Variants in MAGI1 observed in about 807,000 individuals in gnomAD.
MAGI1 encodes the protein membrane associated guanylate kinase, WW and PDZ domain containing 1.
In MAGI1, 58 loss-of-function variants were observed where a neutral mutation model predicts 139.9. The observed-to-expected ratio is 0.41, with a 90% CI of 0.34 to 0.52. The LOEUF (loss-of-function observed/expected upper bound fraction) is 0.52, where lower values mean the gene tolerates loss of function less well. Ranked by LOEUF, MAGI1 falls within the 20% of genes least tolerant of loss-of-function variation. The pLI is 0.12. For missense variants in MAGI1, 1,874 were observed against 1,901.6 expected, an observed-to-expected ratio of 0.99 and a Z score of 0.27; for synonymous variants, 812 against 737.9, an observed-to-expected ratio of 1.10 and a Z score of -1.63.
intron 1 of MAGI1, among the ~76,000 whole-genome samples, chr3:65,639,505 G>C (rs1184296919): frequency 6.6e-6 from 1 of 152,170 alleles, no homozygotes; most frequent in Non-Finnish European, 1.5e-5. Context: ...TTGATTTTAT[G>C]TGTTAACTTG....
chr3:65,799,953 A>C (rs1199362651), intron 1 of MAGI1, among the ~76,000 whole-genome samples: 4 of 152,238 alleles, frequency 2.6e-5, no homozygotes, highest in Non-Finnish European at 4.4e-5. Context: ...ATTTAAACAC[A>C]AATAATGTAC....
chr3:65,505,374 G>A (rs888749940), intron 2 of MAGI1, among the ~76,000 whole-genome samples: 3 of 138,818 alleles, frequency 2.2e-5, no homozygotes, highest in Middle Eastern at 3.5e-3. Flanking sequence ...TCTAATATTC[G>A]GCAGCTTTCT....
intron 1 of MAGI1, among the ~76,000 whole-genome samples, chr3:65,767,230 C>T (rs2037559281): frequency 6.6e-6 from 1 of 152,100 alleles, no homozygotes; most frequent in African/African-American, 2.4e-5. Flanking sequence ...TGTTATCCCC[C>T]AAGTTCTATT....
chr3:65,572,321 T>C (rs1233030728), intron 2 of MAGI1, among the ~76,000 whole-genome samples: 2 of 152,096 alleles, frequency 1.3e-5, no homozygotes, highest in Non-Finnish European at 2.9e-5. Context: ...GAGAGCTGAA[T>C]TTGCCAAGGC....
At chr3:65,763,820 C>T (rs972015509) in intron 1 of MAGI1, among the ~76,000 whole-genome samples, 3 of 151,876 alleles carry the variant, frequency 2.0e-5, no homozygotes, top group African/African-American at 7.2e-5. Context: ...TCTGTAATCC[C>T]AGCACTTTGG....
chr3:65,363,704 C>T, intron 20 of MAGI1, 96 bp from the exon 21 acceptor site: 1 of 978,096 alleles, frequency 1.0e-6, no homozygotes. Flanking sequence ...TCTCTATCCC[C>T]CTCTTGGTGA....
At chr3:65,713,889 T>C (rs1187482359) in intron 1 of MAGI1, among the ~76,000 whole-genome samples, 1 of 152,144 alleles carries the variant, frequency 6.6e-6, no homozygotes, top group East Asian at 1.9e-4. Flanking sequence ...TCCTTGAATT[T>C]AAAGAGCTTT....
chr3:65,387,106 G>A (rs1008601444), intron 14 of MAGI1: 12 of 1,560,636 alleles, frequency 7.7e-6, no homozygotes, highest in African/African-American at 1.4e-5. Flanking sequence ...CAAGATGAAT[G>A]AAAACGGAGA....
intron 1 of MAGI1, among the ~76,000 whole-genome samples, chr3:65,984,797 C>T (rs1395547470): frequency 1.3e-5 from 2 of 150,572 alleles, no homozygotes; most frequent in East Asian, 3.9e-4. Context: ...ATTCTCCAGC[C>T]TCAACGTCCC....
chr3:65,716,460 G>A (rs556203588), intron 1 of MAGI1, among the ~76,000 whole-genome samples: 40 of 152,266 alleles, frequency 2.6e-4, no homozygotes, highest in African/African-American at 9.6e-4. Context: ...AAAAATGAGG[G>A]GAAGGGAAGA....
chr3:65,644,689 T>C (rs2085162875), intron 1 of MAGI1, among the ~76,000 whole-genome samples: 4 of 151,976 alleles, frequency 2.6e-5, no homozygotes, highest in African/African-American at 9.7e-5. Flanking sequence ...CATTAGTCAA[T>C]TTGAAGGTAG....
intron 1 of MAGI1, among the ~76,000 whole-genome samples, chr3:65,841,063 CAG>C (rs1247673723): frequency 6.6e-6 from 1 of 152,178 alleles, no homozygotes; most frequent in Non-Finnish European, 1.5e-5. Context: ...TTGATATGCG[CAG>C]AGTTGTTCAG....
chr3:65,818,519 G>A (rs1267715459), intron 1 of MAGI1, among the ~76,000 whole-genome samples: 2 of 152,166 alleles, frequency 1.3e-5, no homozygotes, highest in Admixed American at 6.5e-5. Flanking sequence ...GTGAATCCAC[G>A]TTAGCCACAG....
intron 1 of MAGI1, among the ~76,000 whole-genome samples, chr3:65,728,281 G>T (rs1030128383): frequency 6.6e-6 from 1 of 152,148 alleles, no homozygotes; most frequent in Admixed American, 6.5e-5. Flanking sequence ...AGAACAGGAT[G>T]ATTGGAGCTG....
rs191238057 is a variant in MAGI1, at chr3:65,562,752, C to T, written c.430+59220G>A. ...TGGGACATCTCATAAATTAAAAGCC[C>T]TTGTTCCAACACAAAAATGAGACCA... On this transcript the variant is annotated intron_variant, in intron 2 of 22. Coordinates refer to ENST00000402939, the MANE Select transcript of MAGI1 (RefSeq NM_001033057.2). 2.0e-5 allele frequency among the ~76,000 whole-genome samples: 3 copies of T among 152,280 alleles called. No individual in the cohort carries two copies. The East Asian group carries it at 5.8e-4, about 29-fold the overall frequency.
chr3:65,969,523 T>C (rs2064921867), intron 1 of MAGI1, among the ~76,000 whole-genome samples: 1 of 152,198 alleles, frequency 6.6e-6, no homozygotes, highest in Non-Finnish European at 1.5e-5. Context: ...CTCATTCACC[T>C]TCCCAAGTGC....
chr3:65,357,471 A>G (rs1036611803), intron 22 of MAGI1, among the ~76,000 whole-genome samples: 12 of 152,068 alleles, frequency 7.9e-5, no homozygotes, highest in African/African-American at 2.9e-4. Flanking sequence ...CTCTGTAGCT[A>G]TCCCTTGTTC....
intron 1 of MAGI1, among the ~76,000 whole-genome samples, chr3:65,900,642 G>A (rs554482081): frequency 6.6e-6 from 1 of 152,254 alleles, no homozygotes; most frequent in East Asian, 1.9e-4. Context: ...ACACAAAAAG[G>A]CAACTGTGGT....
rs1276724236 is a variant in MAGI1 at position 65,490,800 on chromosome 3, C to T, written c.550+2712G>A. The stretch of plus-strand genomic sequence containing the variant: ...GGGAGGGTGCAGTGAGCTGAGACTG[C>T]GCCACTGCACTCCAGCCTGGGCGAC... On this transcript the variant is annotated intron_variant, in intron 3 of 22. Coordinates refer to ENST00000402939, the MANE Select transcript of MAGI1 (RefSeq NM_001033057.2). 8.7e-5 allele frequency among the ~76,000 whole-genome samples: 12 copies of T among 137,438 alleles called. No individual in the cohort carries two copies. In the South Asian group the frequency reaches 1.6e-3, roughly 19 times the overall value. 90.2% of individuals were successfully genotyped at this position (137,438 alleles called of 152,430 possible).
Sources: gnomAD v4.1 joint callset for allele counts (sites outside exome capture counted in the v4.1 genomes callset) on GRCh38, gnomAD v4.1.1 for gene constraint, MANE v1.5 for transcripts, NCBI Gene and HGNC (gene_info 2026-07-23, HGNC 2026-07-21) for gene names.